The following ABCB1 variants were observed in gnomAD, a reference collection of about 807,000 sequenced individuals.
ABCB1 encodes the protein ATP-dependent translocase ABCB1.
A neutral mutation model predicts 142.0 loss-of-function variants in ABCB1; 69 were observed. The ratio of observed to expected loss-of-function variants is 0.49; its 90% CI spans 0.40 to 0.59. ABCB1 has a LOEUF of 0.59. Ranked by LOEUF, ABCB1 falls within the 20% of genes least tolerant of loss-of-function variation. The pLI is 0.00. For missense variants in ABCB1, 1,326 were observed against 1,554.7 expected, an observed-to-expected ratio of 0.85 and a Z score of 2.47; for synonymous variants, 532 against 539.2, an observed-to-expected ratio of 0.99 and a Z score of 0.18.
At chr7:87,520,484 C>T (rs1298219676) in intron 22 of ABCB1, among the ~76,000 whole-genome samples, 1 of 152,138 alleles carries the variant, frequency 6.6e-6, no homozygotes, top group Non-Finnish European at 1.5e-5. Flanking sequence ...TCAACTAGAG[C>T]AAATTATAGG....
intron 15 of ABCB1, among the ~76,000 whole-genome samples, chr7:87,545,237 C>T (rs1290866391): frequency 1.3e-5 from 2 of 152,182 alleles, no homozygotes; most frequent in Admixed American, 6.5e-5. Context: ...AATAATCTGG[C>T]ATTCATTCCA....
chr7:87,691,391 A>G (rs1828000532), intron 1 of ABCB1, among the ~76,000 whole-genome samples: 2 of 152,146 alleles, frequency 1.3e-5, no homozygotes, highest in Admixed American at 1.3e-4. Flanking sequence ...ACTATATGGT[A>G]TAATTATACT....
At chr7:87,519,209 T>A in intron 23 of ABCB1, 117 bp downstream of exon 23, 1 of 1,034,802 alleles carries the variant, frequency 9.7e-7, no homozygotes, top group Non-Finnish European at 1.5e-6. Flanking sequence ...AATGCCGATT[T>A]AGGAATCACC....
At chr7:87,563,993 A>C (rs1278300186) in intron 7 of ABCB1, 1 of 261,754 alleles carries the variant, frequency 3.8e-6, no homozygotes, top group East Asian at 1.2e-4. Context: ...GAGGGGAACA[A>C]CACACACTGG....
In ABCB1 at chr7:87,689,990, T is replaced by A. The variant is rs185405379; in HGVS notation, c.-331+23171A>T. On this transcript the variant is annotated intron_variant, in intron 1 of 28. Transcript: ENST00000265724. ...TTAAATAGCTGTCATAGATTTTTTT[T>A]TAAAAATTTTTAAATTTTTTATAGA... Among the ~76,000 whole-genome samples the A allele has an allele frequency of 1.9e-3, 289 of 152,186 alleles. 2 individuals carry two copies. Among genetic ancestry groups the A allele is most frequent in the African/African-American group, 6.6e-3 (273 of 41,538 alleles).
In ABCB1 at chr7:87,549,344, T is replaced by C. The variant is rs751777121; in HGVS notation, c.1725+4A>G. The stretch of plus-strand genomic sequence containing the variant: ...CAGGTTGGTTTGAACTAAGCCTCAC[T>C]GACCTTATCCAGAGCCACCTGAACC... On this transcript the variant is annotated splice_donor_region_variant and intron_variant, in intron 14 of 27. Transcript: ENST00000622132. 13 of 1,614,088 alleles carry C rather than the reference T, an allele frequency of 8.1e-6. No individual in the cohort carries two copies. The Admixed American group carries it at 1.0e-4, about 12-fold the overall frequency.
At chr7:87,528,977 G>A (rs1003808783) in intron 21 of ABCB1, among the ~76,000 whole-genome samples, 1 of 152,200 alleles carries the variant, frequency 6.6e-6, no homozygotes, top group Non-Finnish European at 1.5e-5. Flanking sequence ...AAGGTCATCA[G>A]GAGTTAGATC....
intron 1 of ABCB1, among the ~76,000 whole-genome samples, chr7:87,615,071 TC>T (rs1819989489): frequency 1.3e-5 from 2 of 152,164 alleles, no homozygotes; most frequent in Admixed American, 1.3e-4. Flanking sequence ...GGTCTTGATC[TC>T]CTGACCCGCC....
At chr7:87,628,181 A>G (rs1820792367) in intron 1 of ABCB1, among the ~76,000 whole-genome samples, 1 of 152,146 alleles carries the variant, frequency 6.6e-6, no homozygotes, top group Non-Finnish European at 1.5e-5. Context: ...CCCCGCGGCT[A>G]GCCTGTGTGG....
At chr7:87,549,752 C>A in intron 13 of ABCB1, 99 bp downstream of exon 13, 1 of 1,445,218 alleles carries the variant, frequency 6.9e-7, no homozygotes, top group Non-Finnish European at 9.7e-7. Context: ...CTTAGGATTT[C>A]CCTTCTTCCG....
At position 87,567,875 on chromosome 7, in the gene ABCB1, A is replaced by C. The variant is rs58525782; in HGVS notation, c.339-899T>G. On this transcript the variant is annotated intron_variant, in intron 5 of 27. Coordinates refer to ENST00000622132, the MANE Select transcript of ABCB1 (RefSeq NM_001348946.2). ...TTTGGGAGGCCGAGGCAGACAGATC[A>C]CAAGGTCAGGAGTTGGAGACCACCC... 5.1e-3 allele frequency among the ~76,000 whole-genome samples: 775 copies of C among 152,124 alleles called. 5 individuals carry two copies. Among genetic ancestry groups the C allele is most frequent in the African/African-American group, 0.018 (737 of 41,520 alleles).
At chr7:87,617,171 G>T (rs1477308321) in intron 1 of ABCB1, among the ~76,000 whole-genome samples, 1 of 152,142 alleles carries the variant, frequency 6.6e-6, no homozygotes, top group Non-Finnish European at 1.5e-5. Flanking sequence ...TGAAGACATG[G>T]ATCTGTTTGC....
chr7:87,628,792 C>A (rs1245480899), intron 1 of ABCB1: 2 of 1,201,572 alleles, frequency 1.7e-6, no homozygotes, highest in African/African-American at 3.1e-5. Flanking sequence ...CGGGGTGGCA[C>A]GAGACAAAAG....
chr7:87,541,517 T>A, intron 17 of ABCB1, 53 bp from the exon 18 acceptor site: 1 of 1,234,416 alleles, frequency 8.1e-7, no homozygotes, highest in Non-Finnish European at 1.2e-6. Flanking sequence ...GAACCCATCC[T>A]GGACCTGACC....
At chr7:87,683,306 G>A (rs1036594784) in intron 1 of ABCB1, among the ~76,000 whole-genome samples, 4 of 152,090 alleles carry the variant, frequency 2.6e-5, no homozygotes, top group African/African-American at 7.2e-5. Flanking sequence ...GTGTTCACTG[G>A]AATAGTACTT....
upstream of ABCB1, among the ~76,000 whole-genome samples, chr7:87,604,733 T>A (rs4148732): frequency 6.6e-6 from 1 of 152,036 alleles, no homozygotes; most frequent in Non-Finnish European, 1.5e-5. Flanking sequence ...GAAATGGTGA[T>A]CAGATGATGA....
chr7:87,645,991 T>A (rs1220189548), intron 1 of ABCB1, among the ~76,000 whole-genome samples: 1 of 152,250 alleles, frequency 6.6e-6, no homozygotes, highest in Non-Finnish European at 1.5e-5. Context: ...ATTTTTGTAA[T>A]GCTTTCTCAC....
intron 20 of ABCB1, 136 bp from the exon 21 acceptor site, chr7:87,531,633 T>C: frequency 1.3e-6 from 1 of 786,294 alleles, no homozygotes; most frequent in Non-Finnish European, 2.0e-6. Context: ...AAGGTCTACT[T>C]GTAAGTTTAT....
intron 1 of ABCB1, among the ~76,000 whole-genome samples, chr7:87,642,344 C>G (rs1050541973): frequency 6.6e-6 from 1 of 151,840 alleles, no homozygotes; most frequent in Non-Finnish European, 1.5e-5. Flanking sequence ...CTGTTCTTCA[C>G]GTTGTTCTAT....
Sources: gnomAD v4.1 joint callset for allele counts (sites outside exome capture counted in the v4.1 genomes callset) on GRCh38, gnomAD v4.1.1 for gene constraint, MANE v1.5 for transcripts, NCBI Gene and HGNC (gene_info 2026-07-23, HGNC 2026-07-21) for gene names.